The following EPHA10 variants were observed in gnomAD, a reference collection of about 807,000 sequenced individuals.
EPHA10 encodes the protein ephrin type-A receptor 10.
A neutral mutation model predicts 109.7 loss-of-function variants in EPHA10; 120 were observed. The ratio of observed to expected loss-of-function variants is 1.09; its 90% CI spans 0.94 to 1.27. The LOEUF is 1.27. EPHA10 is among the 50% of genes most tolerant of loss of function. The pLI is 0.00. For missense variants in EPHA10, 1,396 were observed against 1,411.1 expected, an observed-to-expected ratio of 0.99 and a Z score of 0.17; for synonymous variants, 640 against 618.9, an observed-to-expected ratio of 1.03 and a Z score of -0.51.
intron 3 of EPHA10, among the ~76,000 whole-genome samples, chr1:37,757,543 C>G (rs1646400000): frequency 6.6e-6 from 1 of 152,194 alleles, no homozygotes; most frequent in South Asian, 2.1e-4. Context: ...GTTCAAATAA[C>G]ATCTCCCTTG....
At chr1:37,743,915 CAGAG>C (rs761030098) in intron 5 of EPHA10, among the ~76,000 whole-genome samples, 5 of 151,912 alleles carry the variant, frequency 3.3e-5, no homozygotes, top group Non-Finnish European at 5.9e-5. Flanking sequence ...TATATAAAGA[CAGAG>C]AGAGAAAGAA....
At chr1:37,723,500 T>C in intron 8 of EPHA10, 128 bp from the exon 9 acceptor site, 1 of 1,048,080 alleles carries the variant, frequency 9.5e-7, no homozygotes, top group South Asian at 1.7e-5. Context: ...GGGAACTTCT[T>C]GTCCAGCTGG....
intron 1 of EPHA10, 92 bp from the exon 2 acceptor site, chr1:37,762,941 T>C (rs1462507679): frequency 8.0e-7 from 1 of 1,244,038 alleles, no homozygotes; most frequent in Non-Finnish European, 1.1e-6. Context: ...GTAAATTTGC[T>C]GAGAGAATGC....
intron 8 of EPHA10, among the ~76,000 whole-genome samples, chr1:37,723,716 C>A (rs888346644): frequency 5.6e-4 from 85 of 152,256 alleles, no homozygotes. Flanking sequence ...ATAAGGCAAG[C>A]GGATCCAGCA....
chr1:37,715,819 G>A, downstream of EPHA10: 1 of 493,102 alleles, frequency 2.0e-6, no homozygotes. Context: ...ATGGATCCTG[G>A]GACATCTTTC....
At position 37,754,602 on chromosome 1, in the gene EPHA10, C is replaced by T. The variant is rs114973143; in HGVS notation, c.851-232G>A. On this transcript the variant is annotated intron_variant, in intron 3 of 16. Coordinates refer to ENST00000373048, the MANE Select transcript of EPHA10 (RefSeq NM_001099439.2). This position sits in a 1 kb window ranked among gnomAD's most constrained non-coding sequence, Gnocchi z 4.5. Reference sequence around the variant, plus strand: ...TTGAAACATTTTACTTTCAGCCGGGCGCGGTGGCTCATGCCTGTAATCCCA... The same window carrying T: ...TTGAAACATTTTACTTTCAGCCGGGTGCGGTGGCTCATGCCTGTAATCCCA... 0.01 allele frequency among the ~76,000 whole-genome samples: 1,534 copies of T among 151,278 alleles called. 26 individuals carry two copies. The highest frequency in any genetic ancestry group is 0.036 in the African/African-American group (1,460 of 41,120).
chr1:37,732,256 G>A (rs900405411), intron 6 of EPHA10, among the ~76,000 whole-genome samples: 4 of 151,988 alleles, frequency 2.6e-5, no homozygotes, highest in African/African-American at 7.3e-5. Flanking sequence ...TCCTTTTTAG[G>A]TGAGGTTCAC....
Position 37,727,147 on chromosome 1 carries a change from A to G in EPHA10, c.1727T>C (p.Leu576Pro). 1 of 1,613,000 alleles carries G rather than the reference A, an allele frequency of 6.2e-7. No individual in the cohort carries two copies. Among genetic ancestry groups the G allele is most frequent in the Non-Finnish European group, 8.5e-7 (1 of 1,179,446 alleles). Residue 576 changes from leucine to proline, a missense_variant, in exon 8 of 17, where the codon CTC becomes CCC. Physicochemically the swap from Leu to Pro is moderately conservative, Grantham distance 98 (BLOSUM62 -3). Coordinates refer to ENST00000373048, the MANE Select transcript of EPHA10 (RefSeq NM_001099439.2). ...IVVTVVTISA[L>P]LVLGSVMSVL... is the part of the protein sequence containing the mutation. ...ACTCATCACGGAGCCCAGGACGAGG[A>G]GGGCCGAGATGGTCACTACGGTGAC... is the stretch of plus-strand genomic sequence containing the variant.
chr1:37,756,210 C>T (rs1163326125), intron 3 of EPHA10, among the ~76,000 whole-genome samples: 1 of 152,196 alleles, frequency 6.6e-6, no homozygotes, highest in Non-Finnish European at 1.5e-5. Flanking sequence ...GGCTGGGCCA[C>T]TCCTTGTGCC....
Position 37,720,544 on chromosome 1 carries a change from C to A in EPHA10, c.2219G>T (p.Gly740Val). The change falls in exon 13 of 17, where the codon GGG (glycine) becomes GTG (valine). Residue 740 changes from glycine (G) to valine (V), a missense_variant. Transcript: ENST00000373048. ...ALDGFLRRHEGQLVAGQLMGL... is the reference protein window; with the variant it reads ...ALDGFLRRHEVQLVAGQLMGL... ...CATCAGTTGCCCAGCCACCAGCTGC[C>A]CCTCGTGCCGCTGTGGAGGGAGAAG... 6.2e-7 allele frequency: 1 copy of A among 1,610,474 alleles called. No homozygotes were observed. The highest frequency in any genetic ancestry group is 8.5e-7 in the Non-Finnish European group (1 of 1,178,656).
rs543417433 is a variant in EPHA10 at position 37,736,476 on chromosome 1, C to CAAAA, written c.1358-1090_1358-1087dup. ...GGGCAACAAAAGCAAAATTCTGTCT[C>CAAAA]AAAAAAAAAAAAAAAAAAAAAAAGA... On this transcript the variant is annotated intron_variant, in intron 5 of 16. Coordinates refer to ENST00000373048, the MANE Select transcript of EPHA10 (RefSeq NM_001099439.2). 7.7e-3 allele frequency among the ~76,000 whole-genome samples: 446 copies of CAAAA among 57,712 alleles called. 9 individuals carry two copies. Among genetic ancestry groups the CAAAA allele is most frequent in the East Asian group, 0.022 (28 of 1,260 alleles). 37.9% of individuals were successfully genotyped at this position (57,712 alleles called of 152,430 possible).
chr1:37,732,880 T>C (rs1184213035), intron 6 of EPHA10, among the ~76,000 whole-genome samples: 33 of 95,126 alleles, frequency 3.5e-4, no homozygotes, highest in African/African-American at 1.5e-3. Flanking sequence ...TTTTTTTTTT[T>C]TTTTTTTTTT....
At chr1:37,751,192 G>C (rs1245567981) in intron 5 of EPHA10, among the ~76,000 whole-genome samples, 1 of 97,722 alleles carries the variant, frequency 1.0e-5, no homozygotes, top group Non-Finnish European at 1.8e-5. Context: ...AACAGAGCGA[G>C]ACTCCTCTCA....
chr1:37,741,360 G>A (rs1646150385), intron 5 of EPHA10, among the ~76,000 whole-genome samples: 1 of 152,192 alleles, frequency 6.6e-6, no homozygotes, highest in Non-Finnish European at 1.5e-5. Flanking sequence ...AGGGGATTGA[G>A]GAAAGTACCG....
intron 6 of EPHA10, among the ~76,000 whole-genome samples, chr1:37,732,563 A>C (rs1646002225): frequency 6.6e-6 from 1 of 152,170 alleles, no homozygotes; most frequent in South Asian, 2.1e-4. Flanking sequence ...AGGCATCTCA[A>C]CAATCCATTG....
intron 5 of EPHA10, among the ~76,000 whole-genome samples, chr1:37,746,842 T>A (rs1334364193): frequency 6.6e-6 from 1 of 152,238 alleles, no homozygotes; most frequent in African/African-American, 2.4e-5. Context: ...GAAGCCATTA[T>A]GCTAAGTGAG....
Position 37,720,566 on chromosome 1 carries a change from G to T in EPHA10, c.2209-12C>A, listed in dbSNP as rs1157983238. 1 of 1,605,128 alleles carries T rather than the reference G, an allele frequency of 6.2e-7. No individual in the cohort carries two copies. Among genetic ancestry groups the T allele is most frequent in the Non-Finnish European group, 8.5e-7 (1 of 1,175,952 alleles). On this transcript the variant is annotated splice_polypyrimidine_tract_variant and intron_variant, in intron 12 of 16. Transcript: ENST00000373048. ...TGCCCCTCGTGCCGCTGTGGAGGGA[G>T]AAGACTGAGGCCAGGGCTGTGCGCT...
At chr1:37,721,949 G>A in intron 10 of EPHA10, 104 bp from the exon 11 acceptor site, 1 of 1,166,840 alleles carries the variant, frequency 8.6e-7, no homozygotes, top group Non-Finnish European at 1.2e-6. Flanking sequence ...TGGCCAACAT[G>A]GCGAAACCCA....
chr1:37,745,663 A>G (rs1048057832), intron 5 of EPHA10, among the ~76,000 whole-genome samples: 4 of 152,178 alleles, frequency 2.6e-5, no homozygotes, highest in Non-Finnish European at 5.9e-5. Context: ...AACCTGGCCA[A>G]TATGGGGAAA....
Sources: gnomAD v4.1 joint callset for allele counts (sites outside exome capture counted in the v4.1 genomes callset) on GRCh38, gnomAD v4.1.1 for gene constraint, Gnocchi (gnomAD v3.1) non-coding constraint, MANE v1.5 for transcripts, NCBI Gene and HGNC (gene_info 2026-07-23, HGNC 2026-07-21) for gene names.